NCALD: variants seen among roughly 807,000 people sequenced by gnomAD.
The protein encoded by NCALD is neurocalcin delta, also known as neurocalcin-delta.
NCALD carries 10 observed loss-of-function variants against 18.6 expected under a neutral mutation model. The observed-to-expected ratio is 0.54, with a 90% CI of 0.33 to 0.91. The LOEUF (loss-of-function observed/expected upper bound fraction) is 0.91. Among genes scored for constraint, NCALD ranks in the 40% least tolerant of loss-of-function variants. The pLI is 0.03. For missense variants in NCALD, 184 were observed against 247.6 expected (o/e 0.74, Z 1.72); for synonymous variants, 88 against 87.4 (o/e 1.01, Z -0.04).
At chr8:101,927,651 G>A (rs1192367793) in intron 2 of NCALD, among the ~76,000 whole-genome samples, 2 of 152,166 alleles carry the variant, frequency 1.3e-5, no homozygotes, top group Non-Finnish European at 2.9e-5. Context: ...GGCCCACTGA[G>A]GCAAGAAGTG....
chr8:101,801,091 A>G (rs1032490656), intron 4 of NCALD, among the ~76,000 whole-genome samples: 3 of 151,936 alleles, frequency 2.0e-5, no homozygotes, highest in Non-Finnish European at 4.4e-5. Flanking sequence ...AGAGGAAGGA[A>G]GGAGGAAAAA....
intron 1 of NCALD, among the ~76,000 whole-genome samples, chr8:102,078,344 C>G (rs78317219): frequency 0.026 from 3,952 of 152,312 alleles, 130 homozygotes; most frequent in East Asian, 0.13. Flanking sequence ...TTTGTTCCTA[C>G]TCTTGCCCCT....
intron 4 of NCALD, among the ~76,000 whole-genome samples, chr8:101,808,996 A>G (rs1813210406): frequency 2.6e-5 from 4 of 152,176 alleles, no homozygotes; most frequent in Admixed American, 2.6e-4. Context: ...AACTGTTAGC[A>G]TGTCCACCAT....
At chr8:101,986,969 C>A (rs1391871252) in intron 2 of NCALD, among the ~76,000 whole-genome samples, 1 of 152,090 alleles carries the variant, frequency 6.6e-6, no homozygotes, top group Non-Finnish European at 1.5e-5. Flanking sequence ...GCTGGGGGTC[C>A]CCGGAATCAC....
intron 1 of NCALD, among the ~76,000 whole-genome samples, chr8:102,055,674 T>C (rs966622316): frequency 2.0e-5 from 3 of 152,142 alleles, no homozygotes; most frequent in Non-Finnish European, 4.4e-5. Flanking sequence ...TAACAAATGG[T>C]GGATATTTGT....
chr8:101,818,330 T>C (rs1441999634), intron 4 of NCALD, among the ~76,000 whole-genome samples: 4 of 152,192 alleles, frequency 2.6e-5, no homozygotes, highest in Non-Finnish European at 5.9e-5. Context: ...GAGTGTTTCA[T>C]GCAAATGACC....
intron 1 of NCALD, among the ~76,000 whole-genome samples, chr8:102,037,011 T>C (rs1435912359): frequency 1.3e-5 from 2 of 152,118 alleles, no homozygotes; most frequent in African/African-American, 4.8e-5. Flanking sequence ...AAAAAGCATG[T>C]GTAAGCGTTG....
At chr8:101,803,501 TA>T (rs1309997983) in intron 4 of NCALD, among the ~76,000 whole-genome samples, 1 of 152,332 alleles carries the variant, frequency 6.6e-6, no homozygotes, top group Non-Finnish European at 1.5e-5. Flanking sequence ...CAAGTCTTAT[TA>T]TTTAAGAAGT....
intron 4 of NCALD, among the ~76,000 whole-genome samples, chr8:101,817,525 C>A (rs1030825921): frequency 6.6e-6 from 1 of 151,032 alleles, no homozygotes; most frequent in Admixed American, 6.6e-5. Flanking sequence ...TGCAGGTGCC[C>A]AGAATAAAAT....
chr8:101,758,456 C>T (rs910659846), intron 1 of NCALD, among the ~76,000 whole-genome samples: 2 of 152,210 alleles, frequency 1.3e-5, no homozygotes, highest in Non-Finnish European at 2.9e-5. Context: ...CTGTCTTGAG[C>T]ACTTTATATA....
Position 101,689,477 on chromosome 8 carries a change from C to CA in NCALD, c.485-72_485-71insT. Reference sequence around the variant, plus strand: ...TGAGCTTACACCCTTCCCACTACTGCGTGCTGGGCAGTGTCGATTCACCTG... The same window carrying CA: ...TGAGCTTACACCCTTCCCACTACTGCAGTGCTGGGCAGTGTCGATTCACCTG... On this transcript the variant is annotated intron_variant, in intron 3 of 3. Transcript: ENST00000220931. This position sits in a 1 kb window ranked among gnomAD's most constrained non-coding sequence, Gnocchi z 4.4. The CA allele has an allele frequency of 3.3e-6, 4 of 1,213,870 alleles. No homozygotes were observed. The highest frequency in any genetic ancestry group is 4.7e-6 in the Non-Finnish European group (4 of 845,090). The allele number at this position is 1,213,870 out of a possible 1,614,324, so 75.2% of individuals were successfully genotyped here.
At position 101,718,295 on chromosome 8, in the gene NCALD, C is replaced by T. The variant is rs140474884; in HGVS notation, c.378+957G>A. Among the ~76,000 whole-genome samples the T allele has an allele frequency of 1.2e-4, 18 of 152,196 alleles. No individual in the cohort carries two copies. In the East Asian group the frequency reaches 3.5e-3, roughly 29 times the overall value. On this transcript the variant is annotated intron_variant, in intron 2 of 3. Transcript: ENST00000220931. ...TTTTCCAAAGGACATTGCCCCAAAG[C>T]ACCTTCCTTTTAATGATCACTTTTT... is the stretch of plus-strand genomic sequence containing the variant.
chr8:102,000,639 C>G (rs1408487046), intron 2 of NCALD, among the ~76,000 whole-genome samples: 1 of 152,220 alleles, frequency 6.6e-6, no homozygotes, highest in Non-Finnish European at 1.5e-5. Context: ...TAGGAGCAGA[C>G]TGACACCTCA....
chr8:101,855,930 T>C (rs58181251), intron 4 of NCALD, among the ~76,000 whole-genome samples: 3 of 152,254 alleles, frequency 2.0e-5, no homozygotes, highest in Admixed American at 6.5e-5. Flanking sequence ...TTATTTGAAG[T>C]CCAGAGACGA....
intron 2 of NCALD, among the ~76,000 whole-genome samples, chr8:101,705,268 T>TA (rs1387060336): frequency 6.6e-6 from 1 of 151,638 alleles, no homozygotes; most frequent in East Asian, 1.9e-4. Flanking sequence ...AATTTAAAAA[T>TA]AAAAATAAAT....
intron 1 of NCALD, among the ~76,000 whole-genome samples, chr8:101,744,834 G>T (rs1043734688): frequency 1.3e-5 from 2 of 151,986 alleles, no homozygotes; most frequent in Non-Finnish European, 2.9e-5. Context: ...CAGGAAGCCG[G>T]GTACTCCTGC....
intron 3 of NCALD, among the ~76,000 whole-genome samples, chr8:101,898,531 G>T (rs1817296108): frequency 6.6e-6 from 1 of 152,000 alleles, no homozygotes; most frequent in African/African-American, 2.4e-5. Flanking sequence ...CCAATTTATT[G>T]ACTTTTTTTC....
intron 4 of NCALD, among the ~76,000 whole-genome samples, chr8:101,873,122 G>C (rs938855577): frequency 2.0e-5 from 3 of 152,172 alleles, no homozygotes; most frequent in Non-Finnish European, 4.4e-5. Flanking sequence ...ATTGACTTCT[G>C]TTTTTTAAGC....
chr8:101,930,518 G>A (rs942025611), intron 2 of NCALD, among the ~76,000 whole-genome samples: 2 of 151,874 alleles, frequency 1.3e-5, no homozygotes, highest in African/African-American at 2.4e-5. Flanking sequence ...TGCCTCCGGC[G>A]CAGCACTTTT....
Sources: allele counts gnomAD v4.1 joint callset (sites outside exome capture counted in the v4.1 genomes callset), GRCh38; gene constraint gnomAD v4.1.1; non-coding constraint Gnocchi (gnomAD v3.1); transcripts MANE v1.5; gene names NCBI Gene and HGNC (gene_info 2026-07-23, HGNC 2026-07-21).